HAUS1: variants seen among roughly 807,000 people sequenced by gnomAD.
HAUS1 encodes the protein HAUS augmin like complex subunit 1.
In HAUS1, 25 loss-of-function variants were observed where a neutral mutation model predicts 38.6. The ratio of observed to expected loss-of-function variants is 0.65; its 90% CI spans 0.47 to 0.91. The LOEUF is 0.91. HAUS1 is among the 40% of genes least tolerant of loss of function. The probability of loss-of-function intolerance (pLI) is 0.00; values close to 1 mark genes in which losing one functional copy is unlikely to be tolerated. For missense variants in HAUS1, 325 were observed against 328.4 expected (o/e 0.99, Z 0.08); for synonymous variants, 109 against 112.9 (o/e 0.97, Z 0.22).
chr18:46,106,338 G>A (rs1298246439), intron 2 of HAUS1, among the ~76,000 whole-genome samples: 2 of 152,026 alleles, frequency 1.3e-5, no homozygotes, highest in East Asian at 1.9e-4. Context: ...GCGTGGTGGC[G>A]GGCGCCTGTA....
At chr18:46,126,905 G>C (rs899762922) in intron 8 of HAUS1, 1 of 151,648 alleles carries the variant, frequency 6.6e-6, no homozygotes, top group African/African-American at 2.4e-5. Context: ...CATGATCTCA[G>C]ATCACTGCAA....
chr18:46,113,007 G>GAATATATATATTCCATATTACATATAT, intron 2 of HAUS1, among the ~76,000 whole-genome samples: 1 of 54,224 alleles, frequency 1.8e-5, no homozygotes, highest in East Asian at 4.1e-4. Flanking sequence ...CATATATATG[G>GAATATATATATTCCATATTACATATAT]AATATATATA....
At chr18:46,111,234 A>G (rs1485034888) in intron 2 of HAUS1, among the ~76,000 whole-genome samples, 1 of 151,820 alleles carries the variant, frequency 6.6e-6, no homozygotes, top group Non-Finnish European at 1.5e-5. Flanking sequence ...CTTTACATTT[A>G]TTTTACTTGG....
At chr18:46,125,377 C>T (rs997273642) in intron 7 of HAUS1, among the ~76,000 whole-genome samples, 5 of 151,792 alleles carry the variant, frequency 3.3e-5, no homozygotes, top group Non-Finnish European at 7.4e-5. Flanking sequence ...GGTGAAACCC[C>T]GTCTCTACTA....
At chr18:46,111,689 C>G (rs1279715760) in intron 2 of HAUS1, among the ~76,000 whole-genome samples, 1 of 151,766 alleles carries the variant, frequency 6.6e-6, no homozygotes, top group African/African-American at 2.4e-5. Context: ...AACCCCTGAC[C>G]TCAAGTGATC....
chr18:46,118,397 A>C, intron 3 of HAUS1, 81 bp downstream of exon 3: 1 of 1,373,070 alleles, frequency 7.3e-7, no homozygotes, highest in Middle Eastern at 2.1e-4. Flanking sequence ...GCATAATTCT[A>C]TATGAAAAAT....
intron 6 of HAUS1, among the ~76,000 whole-genome samples, chr18:46,124,231 G>T (rs375539903): frequency 6.6e-6 from 1 of 151,678 alleles, no homozygotes; most frequent in East Asian, 1.9e-4. Flanking sequence ...CCAAAATGGC[G>T]AAACCTCATC....
chr18:46,104,870 A>T (rs1185662657), intron 1 of HAUS1, among the ~76,000 whole-genome samples: 1 of 151,910 alleles, frequency 6.6e-6, no homozygotes, highest in African/African-American at 2.4e-5. Flanking sequence ...GCACGGTCTA[A>T]TAATGCGTTC....
chr18:46,127,854 A>C (rs1254187323), intron 8 of HAUS1, among the ~76,000 whole-genome samples: 2 of 151,976 alleles, frequency 1.3e-5, no homozygotes, highest in African/African-American at 4.8e-5. Flanking sequence ...CCCTTCACAT[A>C]TTTCTTAGAA....
intron 2 of HAUS1, among the ~76,000 whole-genome samples, chr18:46,105,632 A>G (rs948800106): frequency 6.6e-6 from 1 of 150,670 alleles, no homozygotes; most frequent in Non-Finnish European, 1.5e-5. Flanking sequence ...CCCAGGCTGG[A>G]GTGCAGTGGT....
intron 8 of HAUS1, 46 bp from the exon 9 acceptor site, chr18:46,128,029 G>T: frequency 9.0e-7 from 1 of 1,114,582 alleles, no homozygotes; most frequent in Non-Finnish European, 1.3e-6. Context: ...AAAAGTTAGA[G>T]CATCTGTTTT....
chr18:46,120,174 A>G, intron 4 of HAUS1, 114 bp downstream of exon 4: 1 of 684,806 alleles, frequency 1.5e-6, no homozygotes, highest in South Asian at 2.2e-5. Context: ...AATGGGATCC[A>G]TAAAACATTT....
chr18:46,120,806 G>A (rs1044361088), intron 4 of HAUS1, among the ~76,000 whole-genome samples: 6 of 151,914 alleles, frequency 3.9e-5, no homozygotes, highest in East Asian at 1.9e-4. Context: ...GGCTGGTCTC[G>A]AACTCCTGAC....
At chr18:46,114,985 G>A (rs1377464458) in intron 2 of HAUS1, 1 of 152,178 alleles carries the variant, frequency 6.6e-6, no homozygotes, top group East Asian at 1.9e-4. Flanking sequence ...GAGCAGGTCA[G>A]CCCAACTCCC....
chr18:46,120,000 A>T lies in HAUS1; in HGVS notation c.416A>T (p.Glu139Val), dbSNP rs1207691571. 2.5e-6 allele frequency: 4 copies of T among 1,608,830 alleles called. No individual in the cohort carries two copies. The highest frequency in any genetic ancestry group is 3.4e-6 in the Non-Finnish European group (4 of 1,176,932). ...TCCAAAAGTGAAGAAATCAAGATTG[A>T]ACTGGAAAAACTTGAAAAAAATTTA... ...TKSKSEEIKI[E>V]LEKLEKNLTA... Residue 139 changes from glutamate to valine, a missense_variant, in exon 4 of 9, where the codon GAA becomes GTA. Coordinates refer to ENST00000282058, the MANE Select transcript of HAUS1 (RefSeq NM_138443.4).
intron 8 of HAUS1, among the ~76,000 whole-genome samples, chr18:46,127,159 A>G (rs1458186710): frequency 6.6e-6 from 1 of 150,990 alleles, no homozygotes; most frequent in African/African-American, 2.4e-5. Context: ...TTTAGTAGAG[A>G]CGGGGTTTCA....
chr18:46,121,275 C>A (rs1215440894), intron 4 of HAUS1, among the ~76,000 whole-genome samples: 3 of 151,954 alleles, frequency 2.0e-5, no homozygotes, highest in Non-Finnish European at 4.4e-5. Flanking sequence ...CTGTACCCTC[C>A]GCTTCCCGGG....
intron 4 of HAUS1, chr18:46,121,486 T>C (rs1185177673): frequency 6.6e-6 from 1 of 151,976 alleles, no homozygotes; most frequent in Non-Finnish European, 1.5e-5. Context: ...TGTTAAATTA[T>C]TATTATTATT....
chr18:46,108,303 T>G (rs988543450), intron 2 of HAUS1, among the ~76,000 whole-genome samples: 2 of 149,292 alleles, frequency 1.3e-5, no homozygotes, highest in African/African-American at 5.0e-5. Flanking sequence ...TAACGGAGTC[T>G]TGCTCTGTCA....
Sources: allele counts gnomAD v4.1 joint callset (sites outside exome capture counted in the v4.1 genomes callset), GRCh38; gene constraint gnomAD v4.1.1; transcripts MANE v1.5; gene names NCBI Gene and HGNC (gene_info 2026-07-23, HGNC 2026-07-21).